The following ATG10 variants were observed in gnomAD, a reference collection of about 807,000 sequenced individuals.
ATG10 encodes autophagy related 10.
A neutral mutation model predicts 32.1 loss-of-function variants in ATG10; 30 were observed. The observed-to-expected ratio is 0.94, with a 90% CI of 0.70 to 1.27. The LOEUF is 1.27. ATG10 is among the 50% of genes most tolerant of loss of function. ATG10 has a pLI of 0.00. For missense variants in ATG10, 233 were observed against 262.3 expected, an observed-to-expected ratio of 0.89 and a Z score of 0.77; for synonymous variants, 87 against 91.5, an observed-to-expected ratio of 0.95 and a Z score of 0.28.
intron 2 of ATG10, among the ~76,000 whole-genome samples, chr5:81,994,227 T>C (rs1761594322): frequency 6.6e-6 from 1 of 152,186 alleles, no homozygotes; most frequent in Non-Finnish European, 1.5e-5. Context: ...CAGAATAATA[T>C]AGAAACTCCA....
chr5:82,116,949 C>T (rs558168926), intron 3 of ATG10, among the ~76,000 whole-genome samples: 48 of 152,028 alleles, frequency 3.2e-4, no homozygotes, highest in Admixed American at 2.7e-3. Flanking sequence ...GTTTCTCATC[C>T]TGTACCCAAA....
intron 3 of ATG10, among the ~76,000 whole-genome samples, chr5:82,078,058 A>G (rs1764337058): frequency 6.6e-6 from 1 of 152,150 alleles, no homozygotes; most frequent in Admixed American, 6.6e-5. Context: ...TTTTTCTTCG[A>G]TTATAATTTT....
chr5:82,221,001 C>T (rs1425017791), intron 5 of ATG10, among the ~76,000 whole-genome samples: 3 of 152,196 alleles, frequency 2.0e-5, no homozygotes, highest in African/African-American at 7.2e-5. Flanking sequence ...TCGTGATCCA[C>T]CGTCCTTGGC....
rs372600125 is a variant in ATG10 at position 82,058,922 on chromosome 5, C to T, written c.216+320C>T. Among the ~76,000 whole-genome samples, 117 of 152,132 alleles carry T rather than the reference C, an allele frequency of 7.7e-4. 4 individuals are homozygous for T. In the South Asian group the frequency reaches 0.023, roughly 29 times the overall value. On this transcript the variant is annotated intron_variant, in intron 3 of 7. Transcript: ENST00000282185. ...ACTCTGACTCCAGATTGTAGTGAGC[C>T]GTCATACTTTTGGTTTCTCTTGGAC...
At chr5:82,156,741 T>A (rs1316183445) in intron 3 of ATG10, among the ~76,000 whole-genome samples, 2 of 152,354 alleles carry the variant, frequency 1.3e-5, no homozygotes, top group East Asian at 3.9e-4. Flanking sequence ...CTCTAGTTTG[T>A]CATGTTTTAC....
At chr5:81,976,517 A>G (rs1760880199) in intron 1 of ATG10, among the ~76,000 whole-genome samples, 1 of 152,220 alleles carries the variant, frequency 6.6e-6, no homozygotes, top group African/African-American at 2.4e-5. Context: ...TATTCTAGGA[A>G]AATGAAACTT....
rs548327328 is a variant in ATG10 at position 82,041,725 on chromosome 5, G to T, written c.109-16770G>T. Among the ~76,000 whole-genome samples the T allele has an allele frequency of 2.2e-3, 341 of 152,032 alleles. 1 individual carries two copies. The highest frequency in any genetic ancestry group is 7.9e-3 in the African/African-American group (329 of 41,516). On this transcript the variant is annotated intron_variant, in intron 2 of 7. Coordinates refer to ENST00000282185, the MANE Select transcript of ATG10 (RefSeq NM_031482.5). ...CTTAAAGTTTGATAAAATAAGAAATGATACTTAGAACTCCAATTACATGTT... is the reference window on the plus strand; with the variant it reads ...CTTAAAGTTTGATAAAATAAGAAATTATACTTAGAACTCCAATTACATGTT...
chr5:82,139,575 C>G (rs1441138062), intron 3 of ATG10, among the ~76,000 whole-genome samples: 1 of 146,606 alleles, frequency 6.8e-6, no homozygotes, highest in Non-Finnish European at 1.5e-5. Context: ...CCGGCCGCCC[C>G]GTCTGAGAAG....
intron 3 of ATG10, among the ~76,000 whole-genome samples, chr5:82,099,020 T>C (rs1765170818): frequency 6.6e-6 from 1 of 152,184 alleles, no homozygotes; most frequent in Non-Finnish European, 1.5e-5. Flanking sequence ...TAGACAAAAC[T>C]GTACTAATTT....
intron 3 of ATG10, among the ~76,000 whole-genome samples, chr5:82,125,094 A>C (rs1007720993): frequency 5.9e-5 from 9 of 152,206 alleles, no homozygotes; most frequent in African/African-American, 2.2e-4. Flanking sequence ...TGTTCTTTTG[A>C]GAAGTGTCTG....
At chr5:82,208,386 G>T (rs1745378543) in intron 5 of ATG10, among the ~76,000 whole-genome samples, 1 of 152,044 alleles carries the variant, frequency 6.6e-6, no homozygotes, top group Middle Eastern at 3.2e-3. Flanking sequence ...AGGTCAATTC[G>T]AGGAGAGTGG....
chr5:81,986,454 T>G (rs1331778913), intron 1 of ATG10, among the ~76,000 whole-genome samples: 1 of 152,220 alleles, frequency 6.6e-6, no homozygotes, highest in African/African-American at 2.4e-5. Context: ...AGGCAAGGAC[T>G]ATATATTTTT....
At chr5:82,069,122 G>C (rs1764040453) in intron 3 of ATG10, among the ~76,000 whole-genome samples, 1 of 151,864 alleles carries the variant, frequency 6.6e-6, no homozygotes, top group South Asian at 2.1e-4. Flanking sequence ...TGGAATGAAG[G>C]GAATTCCCAT....
chr5:82,026,632 A>G (rs563503059), intron 2 of ATG10, among the ~76,000 whole-genome samples: 1 of 152,338 alleles, frequency 6.6e-6, no homozygotes, highest in Non-Finnish European at 1.5e-5. Flanking sequence ...CCAAAGTTAC[A>G]TTCTTGATAG....
chr5:82,138,985 T>C (rs2149856151), intron 3 of ATG10, among the ~76,000 whole-genome samples: 2 of 150,130 alleles, frequency 1.3e-5, no homozygotes, highest in African/African-American at 4.9e-5. Flanking sequence ...GCCAAATGCC[T>C]GCGATCGCAG....
intron 2 of ATG10, among the ~76,000 whole-genome samples, chr5:82,031,625 T>C (rs1762745569): frequency 6.6e-6 from 1 of 152,212 alleles, no homozygotes; most frequent in Admixed American, 6.5e-5. Context: ...AAATAGTAAT[T>C]AGAGTCAGAG....
At position 82,055,026 on chromosome 5, in the gene ATG10, C is replaced by T. The variant is rs560485041; in HGVS notation, c.109-3469C>T. On this transcript the variant is annotated intron_variant, in intron 2 of 7. Coordinates refer to ENST00000282185, the MANE Select transcript of ATG10 (RefSeq NM_031482.5). Reference sequence around the variant, plus strand: ...GTTTTTTCCTGGGCTGGGTGGACTGCAGGGCTGACAAGAGTGGTGGTTCTC... The same window carrying T: ...GTTTTTTCCTGGGCTGGGTGGACTGTAGGGCTGACAAGAGTGGTGGTTCTC... Among the ~76,000 whole-genome samples the T allele has an allele frequency of 1.6e-4, 25 of 152,186 alleles. No individual in the cohort carries two copies. The South Asian group carries it at 5.0e-3, about 30-fold the overall frequency.
chr5:82,187,163 G>T (rs1462878053), intron 5 of ATG10, among the ~76,000 whole-genome samples: 1 of 150,366 alleles, frequency 6.7e-6, no homozygotes, highest in East Asian at 2.0e-4. Flanking sequence ...TGGTTATTTG[G>T]GTGTAACTGA....
chr5:82,125,309 T>G (rs1690278816), intron 3 of ATG10, among the ~76,000 whole-genome samples: 1 of 152,236 alleles, frequency 6.6e-6, no homozygotes, highest in African/African-American at 2.4e-5. Context: ...CATTTTTCAA[T>G]TTTGGCTTTT....
Sources: allele counts gnomAD v4.1 joint callset (sites outside exome capture counted in the v4.1 genomes callset), GRCh38; gene constraint gnomAD v4.1.1; transcripts MANE v1.5; gene names NCBI Gene and HGNC (gene_info 2026-07-23, HGNC 2026-07-21).